DAB1: variants seen among roughly 807,000 people sequenced by gnomAD.
The protein encoded by DAB1 is disabled homolog 1.
A neutral mutation model predicts 64.6 loss-of-function variants in DAB1; 15 were observed. The observed-to-expected ratio is 0.23, with a 90% CI of 0.16 to 0.36. The LOEUF (loss-of-function observed/expected upper bound fraction) is 0.36. DAB1 is among the 10% of genes least tolerant of loss of function. DAB1 has a pLI of 1.00. For missense variants in DAB1, 596 were observed against 706.7 expected (o/e 0.84, Z 1.78); for synonymous variants, 235 against 251.9 (o/e 0.93, Z 0.64).
At chr1:58,265,018 T>C (rs1247581730) in intron 4 of DAB1, among the ~76,000 whole-genome samples, 1 of 152,124 alleles carries the variant, frequency 6.6e-6, no homozygotes, top group Non-Finnish European at 1.5e-5. Context: ...CAATTTCAAA[T>C]GAATATCACA....
At chr1:57,743,169 C>T (rs1648084707) in intron 6 of DAB1, among the ~76,000 whole-genome samples, 2 of 152,130 alleles carry the variant, frequency 1.3e-5, no homozygotes, top group African/African-American at 4.8e-5. Flanking sequence ...CATCGCATCC[C>T]CTATGACTTG....
At chr1:58,320,920 TCCTC>T (rs1662666875) in intron 4 of DAB1, among the ~76,000 whole-genome samples, 1 of 152,206 alleles carries the variant, frequency 6.6e-6, no homozygotes, top group Admixed American at 6.5e-5. Flanking sequence ...CTCATTCTCC[TCCTC>T]CCTCTCTCCT....
intron 4 of DAB1, among the ~76,000 whole-genome samples, chr1:58,187,588 A>AT (rs1657150311): frequency 8.1e-5 from 12 of 148,900 alleles, no homozygotes; most frequent in African/African-American, 2.7e-4. Flanking sequence ...TATTATTATT[A>AT]TAATTTTTGA....
At chr1:57,481,133 G>C (rs1186181185) in intron 7 of DAB1, among the ~76,000 whole-genome samples, 2 of 152,078 alleles carry the variant, frequency 1.3e-5, no homozygotes, top group Non-Finnish European at 2.9e-5. Context: ...CATTTAGAAA[G>C]GTTAAAGAAA....
chr1:58,536,397 C>T (rs986700874), intron 1 of DAB1: 17 of 631,718 alleles, frequency 2.7e-5, no homozygotes, highest in South Asian at 2.2e-4. Context: ...AAAAAAAATG[C>T]TAATTTCATA....
chr1:58,142,335 G>C (rs1031271444), intron 5 of DAB1, among the ~76,000 whole-genome samples: 2 of 152,240 alleles, frequency 1.3e-5, no homozygotes, highest in African/African-American at 4.8e-5. Context: ...GGAACAGTGA[G>C]CTAAGCATAT....
chr1:58,502,686 A>T (rs927760987), intron 3 of DAB1, among the ~76,000 whole-genome samples: 1 of 152,234 alleles, frequency 6.6e-6, no homozygotes, highest in Non-Finnish European at 1.5e-5. Flanking sequence ...TTCTTTCATT[A>T]TATGTCAGAA....
At chr1:57,277,053 T>C (rs896738614) in intron 2 of DAB1, among the ~76,000 whole-genome samples, 1 of 152,186 alleles carries the variant, frequency 6.6e-6, no homozygotes, top group African/African-American at 2.4e-5. Context: ...AAAATTACCA[T>C]GTTGACAATT....
chr1:57,096,175 C>T (rs971981359), intron 4 of DAB1, among the ~76,000 whole-genome samples: 1 of 152,114 alleles, frequency 6.6e-6, no homozygotes, highest in Admixed American at 6.6e-5. Flanking sequence ...GATCAGCCAG[C>T]TGGAAAAGTA....
At chr1:57,026,756 C>T (rs1646802433) in intron 9 of DAB1, among the ~76,000 whole-genome samples, 1 of 152,176 alleles carries the variant, frequency 6.6e-6, no homozygotes, top group Non-Finnish European at 1.5e-5. Flanking sequence ...GGAACTCCAT[C>T]ACTGCAGACA....
At chr1:57,403,626 T>G (rs1269777320) in intron 1 of DAB1, among the ~76,000 whole-genome samples, 2 of 152,090 alleles carry the variant, frequency 1.3e-5, no homozygotes, top group Admixed American at 1.3e-4. Flanking sequence ...AAAGAAGGTA[T>G]AGAAAGGAAA....
chr1:57,212,659 G>A (rs1418936198), intron 2 of DAB1, among the ~76,000 whole-genome samples: 2 of 151,944 alleles, frequency 1.3e-5, no homozygotes, highest in East Asian at 1.9e-4. Flanking sequence ...GAGCCACCGC[G>A]CCCCGCCTTA....
At chr1:57,874,584 A>G (rs1644011816) in intron 1 of DAB1, among the ~76,000 whole-genome samples, 1 of 152,124 alleles carries the variant, frequency 6.6e-6, no homozygotes, top group Non-Finnish European at 1.5e-5. Context: ...TCTGTTTGCT[A>G]AGATCAAACA....
chr1:57,559,077 A>G (rs1190303141), intron 7 of DAB1, among the ~76,000 whole-genome samples: 2 of 152,196 alleles, frequency 1.3e-5, no homozygotes, highest in African/African-American at 4.8e-5. Context: ...GCCAAGTGGT[A>G]CATTCAACCA....
chr1:57,434,899 T>A (rs995447427), intron 7 of DAB1, among the ~76,000 whole-genome samples: 1 of 152,166 alleles, frequency 6.6e-6, no homozygotes, highest in Non-Finnish European at 1.5e-5. Flanking sequence ...GACTGGAAAT[T>A]GCTTGGATGA....
At chr1:57,160,236 C>T (rs922585322) in intron 2 of DAB1, among the ~76,000 whole-genome samples, 1 of 152,184 alleles carries the variant, frequency 6.6e-6, no homozygotes, top group Non-Finnish European at 1.5e-5. Context: ...GCAAGGCAGG[C>T]ACAGAATAGG....
intron 5 of DAB1, among the ~76,000 whole-genome samples, chr1:57,994,307 G>T (rs955220527): frequency 1.3e-5 from 2 of 152,182 alleles, no homozygotes; most frequent in Non-Finnish European, 2.9e-5. Context: ...CTTGAAAGAG[G>T]AAAGAATCTG....
chr1:58,323,559 T>C (rs1357885192), intron 4 of DAB1, among the ~76,000 whole-genome samples: 1 of 152,028 alleles, frequency 6.6e-6, no homozygotes, highest in Non-Finnish European at 1.5e-5. Flanking sequence ...TTCTCCACAT[T>C]CCCATCAACC....
At chr1:58,381,694 T>A (rs1485847123) in intron 3 of DAB1, among the ~76,000 whole-genome samples, 1 of 152,180 alleles carries the variant, frequency 6.6e-6, no homozygotes. Flanking sequence ...AAATAAGGAA[T>A]AGTAGATTGG....
Sources: allele counts gnomAD v4.1 joint callset (sites outside exome capture counted in the v4.1 genomes callset), GRCh38; gene constraint gnomAD v4.1.1; transcripts MANE v1.5; gene names NCBI Gene and HGNC (gene_info 2026-07-23, HGNC 2026-07-21).